Variants in ELFN1 observed in about 807,000 individuals in gnomAD.
The protein encoded by ELFN1 is protein ELFN1.
ELFN1 carries 6 observed loss-of-function variants against 7.6 expected under a neutral mutation model. The ratio of observed to expected loss-of-function variants is 0.79; its 90% CI spans 0.43 to 1.56. The LOEUF (loss-of-function observed/expected upper bound fraction) is 1.56. ELFN1 is among the 40% of genes most tolerant of loss of function. ELFN1 has a pLI of 0.01. For missense variants in ELFN1, 1,169 were observed against 1,232.2 expected, an observed-to-expected ratio of 0.95 and a Z score of 0.77; for synonymous variants, 657 against 588.1, an observed-to-expected ratio of 1.12 and a Z score of -1.70.
chr7:1,730,299 G>A (rs1343368021), intron 3 of ELFN1, among the ~76,000 whole-genome samples: 1 of 152,226 alleles, frequency 6.6e-6, no homozygotes, highest in Non-Finnish European at 1.5e-5. Flanking sequence ...AGAGCCAGGG[G>A]CTTCCAGCAG....
chr7:1,672,898 G>T (rs1170788043), intron 1 of ELFN1, among the ~76,000 whole-genome samples: 5 of 152,068 alleles, frequency 3.3e-5, no homozygotes, highest in African/African-American at 1.2e-4. Context: ...GCCCGGGTGG[G>T]TGGTGCATAA....
chr7:1,666,157 G>A (rs1778667918), upstream of ELFN1, among the ~76,000 whole-genome samples: 1 of 151,932 alleles, frequency 6.6e-6, no homozygotes, highest in Non-Finnish European at 1.5e-5. The surrounding 1 kb of genome is among the most constrained non-coding windows in gnomAD (Gnocchi z 7.9). Flanking sequence ...CCCGGGGCCC[G>A]CACCCCGGCC....
chr7:1,744,242 C>T (rs994486872), intron 3 of ELFN1, 62 bp from the exon 4 acceptor site: 5 of 297,052 alleles, frequency 1.7e-5, no homozygotes, highest in Non-Finnish European at 2.5e-5. Flanking sequence ...AGATGCCGGC[C>T]GTCCCCTGAC....
chr7:1,686,646 G>A (rs929613395), intron 1 of ELFN1, among the ~76,000 whole-genome samples: 2 of 152,144 alleles, frequency 1.3e-5, no homozygotes, highest in Non-Finnish European at 2.9e-5. Flanking sequence ...GGGTCTGTAA[G>A]CACATCCAAA....
intron 3 of ELFN1, among the ~76,000 whole-genome samples, chr7:1,733,517 G>C (rs1780367713): frequency 6.6e-6 from 1 of 152,072 alleles, no homozygotes; most frequent in Admixed American, 6.5e-5. Context: ...TAACAGACAG[G>C]AGATAGCACC....
upstream of ELFN1, among the ~76,000 whole-genome samples, chr7:1,669,985 C>A (rs1778731063): frequency 6.6e-6 from 1 of 151,270 alleles, no homozygotes; most frequent in Non-Finnish European, 1.5e-5. Context: ...CCCTGCGCGT[C>A]GCCGGGAGAG....
chr7:1,733,253 C>T (rs868022163), intron 3 of ELFN1, among the ~76,000 whole-genome samples: 5 of 152,134 alleles, frequency 3.3e-5, no homozygotes, highest in Admixed American at 2.0e-4. Context: ...CCTTGGCAGC[C>T]GGGACACCAG....
At chr7:1,698,392 G>C (rs1446468956) in intron 2 of ELFN1, among the ~76,000 whole-genome samples, 1 of 152,210 alleles carries the variant, frequency 6.6e-6, no homozygotes, top group Non-Finnish European at 1.5e-5. Flanking sequence ...TAGCACGTCA[G>C]CTTCCTGTCG....
At chr7:1,727,475 G>C (rs1189957164) in intron 3 of ELFN1, among the ~76,000 whole-genome samples, 2 of 150,908 alleles carry the variant, frequency 1.3e-5, no homozygotes, top group African/African-American at 5.0e-5. Flanking sequence ...TTCAGTAGTG[G>C]GGTGCCCCTG....
intron 3 of ELFN1, among the ~76,000 whole-genome samples, chr7:1,726,571 G>A (rs1780203294): frequency 6.6e-6 from 1 of 152,188 alleles, no homozygotes; most frequent in South Asian, 2.1e-4. Context: ...TGCTGCAGAG[G>A]GGACCCAGGC....
intron 1 of ELFN1, among the ~76,000 whole-genome samples, chr7:1,687,360 T>A (rs908813457): frequency 1.3e-5 from 2 of 151,576 alleles, no homozygotes; most frequent in African/African-American, 2.4e-5. Flanking sequence ...TTTTTTTTTT[T>A]AAACAAAACT....
At chr7:1,700,672 C>T (rs1779407431) in intron 2 of ELFN1, among the ~76,000 whole-genome samples, 2 of 152,218 alleles carry the variant, frequency 1.3e-5, no homozygotes, top group African/African-American at 4.8e-5. Flanking sequence ...CCCCAGAGAA[C>T]AGTCGCCGGC....
chr7:1,711,117 C>T (rs559621594), intron 3 of ELFN1, among the ~76,000 whole-genome samples: 2 of 152,326 alleles, frequency 1.3e-5, no homozygotes, highest in Admixed American at 1.3e-4. Flanking sequence ...TCCCTCCTTC[C>T]CATCTGGGAT....
At chr7:1,668,124 T>C (rs1365243067), upstream of ELFN1, among the ~76,000 whole-genome samples, 1 of 152,166 alleles carries the variant, frequency 6.6e-6, no homozygotes, top group Non-Finnish European at 1.5e-5. Flanking sequence ...CGCGTACCCC[T>C]ACCCGCCCCT....
chr7:1,717,416 G>A (rs1219366373), intron 3 of ELFN1, among the ~76,000 whole-genome samples: 1 of 152,202 alleles, frequency 6.6e-6, no homozygotes, highest in African/African-American at 2.4e-5. Flanking sequence ...CAGCTGACAC[G>A]CTGAGACTCT....
At chr7:1,723,251 T>C (rs1433004844) in intron 3 of ELFN1, among the ~76,000 whole-genome samples, 3 of 152,222 alleles carry the variant, frequency 2.0e-5, no homozygotes, top group Non-Finnish European at 4.4e-5. Flanking sequence ...ATCTTAAGCA[T>C]TTCAGCACGC....
At position 1,735,307 on chromosome 7, in the gene ELFN1, A is replaced by C. The variant is rs1780415538; in HGVS notation, c.-293-8997A>C. On this transcript the variant is annotated intron_variant, in intron 3 of 3. Transcript: ENST00000424383. The surrounding 1 kb of genome is among the most constrained non-coding windows in gnomAD (Gnocchi z 5.9). ...TTCCATGAGTCGTGTGGATGGCCCA[A>C]GGTCACATGGTAAGGTCGTCAGGCA... Among the ~76,000 whole-genome samples the C allele has an allele frequency of 6.6e-6, 1 of 151,986 alleles. No individual in the cohort carries two copies. The highest frequency in any genetic ancestry group is 2.4e-5 in the African/African-American group (1 of 41,380).
At chr7:1,713,447 C>T (rs10950336) in intron 3 of ELFN1, among the ~76,000 whole-genome samples, 28,149 of 152,134 alleles carry the variant, frequency 0.19, 2,851 homozygotes, top group Admixed American at 0.24. Context: ...TGTCACTCAG[C>T]GAGTTGAAGT....
At chr7:1,701,061 ATGCGTGTGTATGTG>A (rs1420585705) in intron 2 of ELFN1, among the ~76,000 whole-genome samples, 1 of 151,830 alleles carries the variant, frequency 6.6e-6, no homozygotes, top group Non-Finnish European at 1.5e-5. Context: ...TGATGTATGT[ATGCGTGTGTATGTG>A]TGCGTGTGTG....
Sources: gnomAD v4.1 joint callset for allele counts (sites outside exome capture counted in the v4.1 genomes callset) on GRCh38, gnomAD v4.1.1 for gene constraint, Gnocchi (gnomAD v3.1) non-coding constraint, MANE v1.5 for transcripts, NCBI Gene and HGNC (gene_info 2026-07-23, HGNC 2026-07-21) for gene names.